YPEL2: variants seen among roughly 807,000 people sequenced by gnomAD.
YPEL2 encodes protein yippee-like 2.
YPEL2 carries 2 observed loss-of-function variants against 19.1 expected under a neutral mutation model. The observed-to-expected ratio is 0.10, with a 90% CI of 0.04 to 0.33. The LOEUF is 0.33. Among genes scored for constraint, YPEL2 ranks in the 10% least tolerant of loss-of-function variants. The probability of loss-of-function intolerance (pLI) is 1.00; values close to 1 mark genes in which losing one functional copy is unlikely to be tolerated. For synonymous variants in YPEL2, 52 were observed against 50.0 expected (o/e 1.04, Z -0.17); for missense variants, 66 against 140.7 (o/e 0.47, Z 2.68).
At chr17:59,395,659 G>A (rs182919388) in intron 4 of YPEL2, among the ~76,000 whole-genome samples, 1 of 152,234 alleles carries the variant, frequency 6.6e-6, no homozygotes, top group African/African-American at 2.4e-5. Context: ...AGTTTATACA[G>A]CTCCTGTCTC....
intron 2 of YPEL2, among the ~76,000 whole-genome samples, chr17:59,359,251 C>T (rs899444380): frequency 6.6e-6 from 1 of 152,178 alleles, no homozygotes; most frequent in African/African-American, 2.4e-5. Context: ...TACAATAAAA[C>T]TACTCTCTGA....
At chr17:59,334,273 C>T (rs1311952354) in intron 1 of YPEL2, among the ~76,000 whole-genome samples, 1 of 151,744 alleles carries the variant, frequency 6.6e-6, no homozygotes, top group Non-Finnish European at 1.5e-5. Context: ...GCCACACAGT[C>T]ATTGTGCCTG....
intron 2 of YPEL2, among the ~76,000 whole-genome samples, chr17:59,360,177 C>T (rs1011056025): frequency 4.6e-5 from 7 of 152,098 alleles, no homozygotes; most frequent in Non-Finnish European, 7.4e-5. Flanking sequence ...CCCGGGTTCA[C>T]GCCATTCTCC....
rs1300937665 is a variant in YPEL2, at chr17:59,393,551, T to C, written c.271-3550T>C. Among the ~76,000 whole-genome samples the C allele has an allele frequency of 2.0e-5, 3 of 149,118 alleles. No individual in the cohort carries two copies. In the East Asian group the frequency reaches 5.8e-4, roughly 29 times the overall value. ...ATTTTTTATTGATCATTCTTGGGTG[T>C]TTCTCGCAGAGGGGGATTTGGCAGG... On this transcript the variant is annotated intron_variant, in intron 4 of 4. Coordinates refer to ENST00000312655, the MANE Select transcript of YPEL2 (RefSeq NM_001005404.4).
chr17:59,348,543 C>G (rs1211653513), intron 1 of YPEL2, among the ~76,000 whole-genome samples: 1 of 152,220 alleles, frequency 6.6e-6, no homozygotes, highest in Non-Finnish European at 1.5e-5. Flanking sequence ...ATTTGTCTCT[C>G]GAGGTGGTGT....
Position 59,359,060 on chromosome 17 carries a change from A to G in YPEL2, c.117+5534A>G, listed in dbSNP as rs551503818. On this transcript the variant is annotated intron_variant, in intron 2 of 4. Coordinates refer to ENST00000312655, the MANE Select transcript of YPEL2 (RefSeq NM_001005404.4). ...TGCCTCAGCCTCCCAAGTAGCTGGCATTACAGGTGCACATAACCACACCTG... is the reference window on the plus strand; with the variant it reads ...TGCCTCAGCCTCCCAAGTAGCTGGCGTTACAGGTGCACATAACCACACCTG... Among the ~76,000 whole-genome samples, 4 of 151,778 alleles carry G rather than the reference A, an allele frequency of 2.6e-5. No homozygotes were observed. The South Asian group carries it at 8.3e-4, about 32-fold the overall frequency.
At chr17:59,368,044 A>G (rs1248940028) in intron 2 of YPEL2, among the ~76,000 whole-genome samples, 1 of 152,168 alleles carries the variant, frequency 6.6e-6, no homozygotes, top group Non-Finnish European at 1.5e-5. Flanking sequence ...TGTATGAAGC[A>G]CTGGGGATAC....
Position 59,395,797 on chromosome 17 carries a change from G to A in YPEL2, c.271-1304G>A, listed in dbSNP as rs373324926. On this transcript the variant is annotated intron_variant, in intron 4 of 4. Coordinates refer to ENST00000312655, the MANE Select transcript of YPEL2 (RefSeq NM_001005404.4). ...TTACAGTTTAAAATTAGAACCAGGC[G>A]TCCGGGCGCGGTGGCTCACACCTGT... 7.9e-5 allele frequency among the ~76,000 whole-genome samples: 12 copies of A among 152,106 alleles called. No homozygotes were observed. The East Asian group carries it at 1.2e-3, about 15-fold the overall frequency.
chr17:59,382,160 G>T (rs979963741), intron 2 of YPEL2, among the ~76,000 whole-genome samples: 3 of 152,208 alleles, frequency 2.0e-5, no homozygotes, highest in African/African-American at 7.2e-5. Flanking sequence ...AGCTGATCCC[G>T]AGTGCCAGGC....
intron 2 of YPEL2, among the ~76,000 whole-genome samples, chr17:59,360,925 G>A (rs2047837639): frequency 6.6e-6 from 1 of 152,042 alleles, no homozygotes; most frequent in Admixed American, 6.5e-5. Flanking sequence ...TCTGCCTCCC[G>A]GGTTCAAGCA....
In YPEL2 at chr17:59,384,497, G is replaced by A. The variant is rs535990153; in HGVS notation, c.118-3830G>A. ...ACAGAAACAACAGTATTCACAATAC[G>A]CTGAAAGCAGAGACAGAAAAAGAAC... On this transcript the variant is annotated intron_variant, in intron 2 of 4. Transcript: ENST00000312655. Among the ~76,000 whole-genome samples the A allele has an allele frequency of 3.7e-4, 57 of 152,160 alleles. No homozygotes were observed. In the South Asian group the frequency reaches 7.9e-3, roughly 21 times the overall value.
At chr17:59,348,985 G>A (rs1203723247) in intron 1 of YPEL2, among the ~76,000 whole-genome samples, 1 of 151,980 alleles carries the variant, frequency 6.6e-6, no homozygotes, top group Admixed American at 6.6e-5. Context: ...AGGAGATCGA[G>A]ACCACGGTGA....
chr17:59,382,654 A>T (rs946926277), intron 2 of YPEL2, among the ~76,000 whole-genome samples: 19 of 152,222 alleles, frequency 1.2e-4, no homozygotes, highest in African/African-American at 4.1e-4. Flanking sequence ...AAATTAGAAA[A>T]TGGTTTTAAA....
At chr17:59,354,321 T>C (rs2147940673) in intron 2 of YPEL2, 1 of 152,168 alleles carries the variant, frequency 6.6e-6, no homozygotes. Flanking sequence ...GGGAGACTTT[T>C]CCCTTACAAA....
intron 4 of YPEL2, among the ~76,000 whole-genome samples, chr17:59,395,395 G>C (rs533984149): frequency 6.6e-6 from 1 of 152,310 alleles, no homozygotes; most frequent in Admixed American, 6.5e-5. Flanking sequence ...AATTCTGGGG[G>C]CTCAGGGAAG....
intron 1 of YPEL2, among the ~76,000 whole-genome samples, chr17:59,339,650 C>T (rs965204537): frequency 2.6e-5 from 4 of 152,168 alleles, no homozygotes; most frequent in Non-Finnish European, 5.9e-5. Context: ...TACACTTCCT[C>T]AGACTCTTCT....
chr17:59,361,814 C>G (rs774696343), intron 2 of YPEL2, among the ~76,000 whole-genome samples: 13 of 152,108 alleles, frequency 8.5e-5, no homozygotes, highest in Non-Finnish European at 1.9e-4. Flanking sequence ...CTAGAAAATG[C>G]AGTTCTGGGA....
intron 2 of YPEL2, among the ~76,000 whole-genome samples, chr17:59,375,161 A>G (rs1187449540): frequency 6.6e-6 from 1 of 152,178 alleles, no homozygotes; most frequent in Admixed American, 6.5e-5. Flanking sequence ...GGGGAGAGCC[A>G]TGCTTCAGGT....
intron 4 of YPEL2, among the ~76,000 whole-genome samples, chr17:59,394,959 CGCGCCTGCAATCGCAGGCACTCAGCAG>C: frequency 6.6e-6 from 1 of 152,342 alleles, no homozygotes; most frequent in Admixed American, 6.5e-5. Flanking sequence ...CGTGGCGGCA[CGCGCCTGCAATCGCAGGCACTCAGCAG>C]GCTGAGGCAG....
Sources: gnomAD v4.1 joint callset for allele counts (sites outside exome capture counted in the v4.1 genomes callset) on GRCh38, gnomAD v4.1.1 for gene constraint, MANE v1.5 for transcripts, NCBI Gene and HGNC (gene_info 2026-07-23, HGNC 2026-07-21) for gene names.